The following TENM2 variants were observed in gnomAD, a reference collection of about 807,000 sequenced individuals.
TENM2 encodes the protein teneurin transmembrane protein 2.
TENM2 carries 52 observed loss-of-function variants against 245.2 expected under a neutral mutation model. The ratio of observed to expected loss-of-function variants is 0.21; its 90% CI spans 0.17 to 0.27. The LOEUF (loss-of-function observed/expected upper bound fraction) is 0.27. Among genes scored for constraint, TENM2 ranks in the 10% least tolerant of loss-of-function variants. The probability of loss-of-function intolerance (pLI) is 1.00; values close to 1 mark genes in which losing one functional copy is unlikely to be tolerated. For synonymous variants in TENM2, 1,363 were observed against 1,438.9 expected (o/e 0.95, Z 1.19); for missense variants, 3,046 against 3,666.8 (o/e 0.83, Z 4.37).
intron 2 of TENM2, among the ~76,000 whole-genome samples, chr5:167,844,261 A>T (rs942068445): frequency 3.3e-5 from 5 of 152,228 alleles, no homozygotes; most frequent in African/African-American, 1.2e-4. Context: ...TTCGACCTTG[A>T]TTGACTTGCA....
intron 2 of TENM2, among the ~76,000 whole-genome samples, chr5:167,733,971 C>T (rs1760620191): frequency 1.3e-5 from 2 of 152,196 alleles, no homozygotes; most frequent in South Asian, 2.1e-4. Context: ...ACGTCTCATA[C>T]GTACTAAGGA....
chr5:168,261,310 G>C (rs890395248), intron 28 of TENM2, among the ~76,000 whole-genome samples: 1 of 152,146 alleles, frequency 6.6e-6, no homozygotes, highest in Admixed American at 6.5e-5. Flanking sequence ...CCAGGGCGAG[G>C]ATCCAAAACA....
At chr5:167,727,108 T>TTC (rs1207480674) in intron 2 of TENM2, among the ~76,000 whole-genome samples, 4 of 121,960 alleles carry the variant, frequency 3.3e-5, no homozygotes, top group Middle Eastern at 3.6e-3. Context: ...TAATTTCTTT[T>TTC]TTTTTTTTTT....
At chr5:168,149,279 A>T in intron 12 of TENM2, 1 of 442,148 alleles carries the variant, frequency 2.3e-6, no homozygotes, top group South Asian at 1.6e-5. Flanking sequence ...CTCCCCTGTC[A>T]CCCTTTCCCT....
At chr5:167,111,270 A>G in the TENM2 span, among the ~76,000 whole-genome samples, 1 of 152,174 alleles carries the variant, frequency 6.6e-6, no homozygotes, top group South Asian at 2.1e-4. Context: ...AAATATTACA[A>G]TTGGACCTTG....
intron 5 of TENM2, among the ~76,000 whole-genome samples, chr5:168,031,935 A>C (rs2151956556): frequency 6.6e-6 from 1 of 152,298 alleles, no homozygotes; most frequent in African/African-American, 2.4e-5. Context: ...TACTCTAATC[A>C]CCATAGTCTA....
intron 2 of TENM2, among the ~76,000 whole-genome samples, chr5:167,859,146 C>T (rs1406989187): frequency 9.0e-6 from 1 of 110,906 alleles, no homozygotes; most frequent in Non-Finnish European, 1.9e-5. Flanking sequence ...GTGAGGAGCG[C>T]CTCTGCCCGG....
chr5:168,028,181 G>A (rs762996917), intron 5 of TENM2, among the ~76,000 whole-genome samples: 14 of 152,258 alleles, frequency 9.2e-5, no homozygotes, highest in South Asian at 4.2e-4. Flanking sequence ...GCCTTCTGCC[G>A]CCTCTCTCAA....
At chr5:167,868,818 T>C (rs1413980596) in intron 2 of TENM2, among the ~76,000 whole-genome samples, 1 of 151,888 alleles carries the variant, frequency 6.6e-6, no homozygotes, top group Non-Finnish European at 1.5e-5. Context: ...GATACTACAG[T>C]CTCCCTACCT....
the TENM2 span, among the ~76,000 whole-genome samples, chr5:167,274,585 C>CTTT: frequency 6.9e-6 from 1 of 144,516 alleles, no homozygotes; most frequent in Non-Finnish European, 1.5e-5. Context: ...TTCTTTCTTT[C>CTTT]TTTTTTTTTT....
chr5:167,505,551 A>C (rs1330224378), intron 2 of TENM2, among the ~76,000 whole-genome samples: 1 of 152,174 alleles, frequency 6.6e-6, no homozygotes, highest in Admixed American at 6.5e-5. Flanking sequence ...GAATTGAAAA[A>C]TGTAGGTAAA....
At chr5:168,198,732 CA>C in intron 15 of TENM2, 120 bp from the exon 18 acceptor site, 3 of 1,302,904 alleles carry the variant, frequency 2.3e-6, no homozygotes, top group Non-Finnish European at 3.2e-6. Context: ...TGTCTGCCTC[CA>C]AAGCCCATGG....
intron 2 of TENM2, among the ~76,000 whole-genome samples, chr5:167,681,932 A>G (rs528089059): frequency 1.1e-4 from 16 of 151,642 alleles, no homozygotes; most frequent in African/African-American, 2.9e-4. Flanking sequence ...ACTCTTAGGC[A>G]TGTGTGTGTG....
At chr5:167,656,183 G>A (rs1754828427) in intron 2 of TENM2, among the ~76,000 whole-genome samples, 2 of 152,086 alleles carry the variant, frequency 1.3e-5, no homozygotes, top group Admixed American at 6.6e-5. Flanking sequence ...CCCAGAATTT[G>A]CACACTCCAT....
At chr5:167,567,692 A>G (rs1773995913) in intron 2 of TENM2, among the ~76,000 whole-genome samples, 2 of 143,724 alleles carry the variant, frequency 1.4e-5, no homozygotes, top group South Asian at 4.2e-4. Flanking sequence ...CAGCATGTGC[A>G]CACACACACA....
At chr5:167,794,249 G>A (rs1267747445) in intron 2 of TENM2, among the ~76,000 whole-genome samples, 1 of 151,988 alleles carries the variant, frequency 6.6e-6, no homozygotes, top group Non-Finnish European at 1.5e-5. Flanking sequence ...TAAAACACTT[G>A]TTTGAGAAAA....
intron 23 of TENM2, among the ~76,000 whole-genome samples, chr5:168,222,117 A>G (rs1386106457): frequency 2.0e-5 from 3 of 152,244 alleles, no homozygotes; most frequent in African/African-American, 7.2e-5. Flanking sequence ...TCACTCAACT[A>G]ACTGTAGAGT....
At chr5:168,198,821 C>T in intron 15 of TENM2, 32 bp from the exon 18 acceptor site, 1 of 1,604,710 alleles carries the variant, frequency 6.2e-7, no homozygotes, top group South Asian at 1.1e-5. Context: ...AGTGAGTCTA[C>T]CCCCTCATCA....
At chr5:167,307,647 C>T (rs1455367643) in intron 1 of TENM2, among the ~76,000 whole-genome samples, 2 of 152,172 alleles carry the variant, frequency 1.3e-5, no homozygotes, top group Non-Finnish European at 2.9e-5. Context: ...CTCCCACCGC[C>T]CAGTTCAGTA....
Sources: allele counts gnomAD v4.1 joint callset (sites outside exome capture counted in the v4.1 genomes callset), GRCh38; gene constraint gnomAD v4.1.1; transcripts MANE v1.5; gene names NCBI Gene and HGNC (gene_info 2026-07-23, HGNC 2026-07-21).